The following ARHGEF16 variants were observed in gnomAD, a reference collection of about 807,000 sequenced individuals.
The protein encoded by ARHGEF16 is Rho guanine exchange factor (GEF) 16.
ARHGEF16 carries 59 observed loss-of-function variants against 74.1 expected under a neutral mutation model. The observed-to-expected ratio is 0.80, with a 90% CI of 0.65 to 0.99. The LOEUF (loss-of-function observed/expected upper bound fraction) is 0.99, where lower values mean the gene tolerates loss of function less well. Ranked by LOEUF, ARHGEF16 falls within the 50% of genes least tolerant of loss-of-function variation. ARHGEF16 has a pLI of 0.00. For missense variants in ARHGEF16, 948 were observed against 986.6 expected (o/e 0.96, Z 0.52); for synonymous variants, 415 against 412.6 (o/e 1.01, Z -0.07).
rs746477381 is a variant in ARHGEF16, at chr1:3,478,478, G to A, written c.1680G>A (p.Glu560=). The A allele has an allele frequency of 6.2e-7, 1 of 1,612,508 alleles. No homozygotes were observed. The highest frequency in any genetic ancestry group is 1.7e-5 in the Admixed American group (1 of 60,018). Reference sequence around the variant, plus strand: ...CCCAGATGAACCACATCCAGGTGGAGAAGATAGAGCCGTCTGAGCTCCCTC... The same window carrying A: ...CCCAGATGAACCACATCCAGGTGGAAAAGATAGAGCCGTCTGAGCTCCCTC... The part of the protein sequence containing the change: ...DYAQMNHIQV[E]KIEPSELPLP... Residue 560 remains glutamate, a synonymous_variant, in exon 12 of 15, where the codon GAG becomes GAA. Coordinates refer to ENST00000378378, the MANE Select transcript of ARHGEF16 (RefSeq NM_014448.4).
At chr1:3,466,894 A>C (rs1639561800) in intron 3 of ARHGEF16, 2 of 371,880 alleles carry the variant, frequency 5.4e-6, no homozygotes, top group Non-Finnish European at 9.7e-6. Context: ...AGGAGGCAGC[A>C]GCGATGCCCC....
Position 3,473,168 on chromosome 1 carries a change from C to T in ARHGEF16, c.1113C>T (p.Phe371=), listed in dbSNP as rs757043142. The part of the protein sequence containing the change: ...DILEEHAEKH[F]HPYIAYCSNE... ...TGGAGGAGCACGCTGAGAAGCACTTCCACCCCTACATCGCCTACTGCTCCA... is the reference window on the plus strand; with the variant it reads ...TGGAGGAGCACGCTGAGAAGCACTTTCACCCCTACATCGCCTACTGCTCCA... Residue 371 remains phenylalanine (F), a synonymous_variant, in exon 7 of 15, where the codon TTC becomes TTT. Coordinates refer to ENST00000378378, the MANE Select transcript of ARHGEF16 (RefSeq NM_014448.4). The T allele has an allele frequency of 4.0e-5, 64 of 1,613,132 alleles. No individual in the cohort carries two copies. The highest frequency in any genetic ancestry group is 5.0e-5 in the Non-Finnish European group (59 of 1,179,844).
At position 3,477,889 on chromosome 1, in the gene ARHGEF16, C is replaced by G. The variant is rs762554808; in HGVS notation, c.1488C>G (p.Ile496Met). 3 of 1,603,120 alleles carry G rather than the reference C, an allele frequency of 1.9e-6. No individual in the cohort carries two copies. The highest frequency in any genetic ancestry group is 1.1e-5 in the South Asian group (1 of 90,632). The change falls in exon 11 of 15, where the codon ATC (isoleucine) becomes ATG (methionine). Residue 496 changes from isoleucine (I) to methionine (M), a missense_variant. Coordinates refer to ENST00000378378, the MANE Select transcript of ARHGEF16 (RefSeq NM_014448.4). Reference sequence around the variant, plus strand: ...TGTCCCCCCAGTCCCTCCCACTGATCTCTGCCTCCCGGTGGCTGCTGAAGC... The same window carrying G: ...TGTCCCCCCAGTCCCTCCCACTGATGTCTGCCTCCCGGTGGCTGCTGAAGC... ...DFSKVKSLPL[I>M]SASRWLLKRG... is the part of the protein sequence containing the mutation.
At chr1:3,479,247 C>A (rs188104036) in intron 12 of ARHGEF16, among the ~76,000 whole-genome samples, 72 of 152,190 alleles carry the variant, frequency 4.7e-4, no homozygotes, top group Middle Eastern at 3.4e-3. Context: ...ACGGAGGGGG[C>A]AGGGAGCTGG....
In ARHGEF16 at chr1:3,480,719, G is replaced by A; in HGVS notation, c.*132G>A. ...CCCTGGGGCTTCCCAAGAGCCTGTG[G>A]CTGTGGTGCCGGGCTCCAGACACTT... On this transcript the variant is annotated 3_prime_UTR_variant, in exon 15 of 15. Coordinates refer to ENST00000378378, the MANE Select transcript of ARHGEF16 (RefSeq NM_014448.4). The A allele has an allele frequency of 1.6e-6, 2 of 1,265,668 alleles. No homozygotes were observed. The highest frequency in any genetic ancestry group is 2.1e-6 in the Non-Finnish European group (2 of 937,020). The allele number at this position is 1,265,668 out of a possible 1,614,324, so 78.4% of individuals were successfully genotyped here. A position where few individuals can be genotyped will look rare whatever the true frequency, so the allele number is the denominator to read the frequency against.
intron 1 of ARHGEF16, among the ~76,000 whole-genome samples, chr1:3,462,188 ACTGTGGG>A (rs1456669129): frequency 6.6e-6 from 1 of 151,970 alleles, no homozygotes; most frequent in African/African-American, 2.4e-5. Context: ...TGTACGTGGG[ACTGTGGG>A]CTGCCACCCC....
intron 1 of ARHGEF16, among the ~76,000 whole-genome samples, chr1:3,462,083 C>A (rs1226399102): frequency 2.5e-5 from 3 of 117,980 alleles, no homozygotes; most frequent in Admixed American, 8.7e-5. Flanking sequence ...CCAGGAGGGG[C>A]GGGCAGGAGT....
rs952130882 is a variant in ARHGEF16 at position 3,468,720 on chromosome 1, C to A, written c.805-160C>A. The A allele has an allele frequency of 2.2e-5, 16 of 740,296 alleles. No individual in the cohort carries two copies. The African/African-American group carries it at 2.8e-4, about 13-fold the overall frequency. The allele number at this position is 740,296 out of a possible 1,614,324, so 45.9% of individuals were successfully genotyped here. A position where few individuals can be genotyped will look rare whatever the true frequency, so the allele number is the denominator to read the frequency against. ...CAGAGAGGAAGGTGACGGGGATAGG[C>A]CCTCGGCAGGACAGGCCTACTCCAG... On this transcript the variant is annotated intron_variant, in intron 4 of 14. Transcript: ENST00000378378.
At position 3,471,350 on chromosome 1, in the gene ARHGEF16, G is replaced by A. The variant is rs534190851; in HGVS notation, c.1023-1728G>A. Among the ~76,000 whole-genome samples, 83 of 152,178 alleles carry A rather than the reference G, an allele frequency of 5.5e-4. No homozygotes were observed. The East Asian group carries it at 9.3e-3, about 17-fold the overall frequency. On this transcript the variant is annotated intron_variant, in intron 6 of 14. Transcript: ENST00000378378. ...TGCCCCAACAGTGGTGGTTGCTGGC[G>A]CATTCTTATATCAGCCCCGCCCCTG...
chr1:3,474,101 C>T (rs1639816609), intron 8 of ARHGEF16: 1 of 189,866 alleles, frequency 5.3e-6, no homozygotes, highest in African/African-American at 2.3e-5. Flanking sequence ...CCAGTACACA[C>T]ATGCATGCAC....
intron 6 of ARHGEF16, among the ~76,000 whole-genome samples, chr1:3,470,043 G>A (rs1240790595): frequency 6.6e-6 from 1 of 152,216 alleles, no homozygotes; most frequent in Non-Finnish European, 1.5e-5. Context: ...GGGCCTGGAG[G>A]TAGAGAGGCT....
At chr1:3,473,616 C>G in intron 8 of ARHGEF16, 94 bp downstream of exon 8, 1 of 1,562,488 alleles carries the variant, frequency 6.4e-7, no homozygotes, top group Non-Finnish European at 8.7e-7. Flanking sequence ...TGCTTGTGAC[C>G]TTCTCCTCCA....
intron 6 of ARHGEF16, among the ~76,000 whole-genome samples, chr1:3,471,114 G>GC (rs111916553): frequency 0.015 from 2,249 of 149,842 alleles, 62 homozygotes; most frequent in African/African-American, 0.051. Context: ...GTGTGCCTGG[G>GC]CAGGGGTGTG....
chr1:3,469,937 C>T (rs971688296), intron 6 of ARHGEF16, among the ~76,000 whole-genome samples: 10 of 152,344 alleles, frequency 6.6e-5, no homozygotes, highest in Non-Finnish European at 1.5e-4. Context: ...GTGGTGGCCA[C>T]AAGCTGCTCA....
At chr1:3,472,875 TCCCACC>T in intron 6 of ARHGEF16, 197 bp from the exon 7 acceptor site, 1 of 295,600 alleles carries the variant, frequency 3.4e-6, no homozygotes. Flanking sequence ...TCTGACCACT[TCCCACC>T]CGCCCTCCCT....
Position 3,478,589 on chromosome 1 carries a change from G to A in ARHGEF16, c.1791G>A (p.Gln597=). The A allele has an allele frequency of 6.2e-7, 1 of 1,611,764 alleles. No homozygotes were observed. The highest frequency in any genetic ancestry group is 8.5e-7 in the Non-Finnish European group (1 of 1,179,362). Residue 597 remains glutamine (Q), a synonymous_variant, in exon 12 of 15, where the codon CAG becomes CAA. Coordinates refer to ENST00000378378, the MANE Select transcript of ARHGEF16 (RefSeq NM_014448.4). ...GCAACAGCGAGGGCCGCCAGGAGCAGCTCCTGCTCTCCTCGGACTCCGCGT... is the reference window on the plus strand; with the variant it reads ...GCAACAGCGAGGGCCGCCAGGAGCAACTCCTGCTCTCCTCGGACTCCGCGT... ...LLRNSEGRQE[Q]LLLSSDSASD... is the part of the protein sequence containing the mutation.
At chr1:3,471,690 T>G (rs534960655) in intron 6 of ARHGEF16, 2 of 1,242,292 alleles carry the variant, frequency 1.6e-6, no homozygotes, top group East Asian at 1.6e-4. Flanking sequence ...GGGCTTTAGA[T>G]TGCTGCCCTG....
chr1:3,477,938 G>A lies in ARHGEF16; in HGVS notation c.1537G>A (p.Glu513Lys). The A allele has an allele frequency of 1.2e-6, 2 of 1,612,696 alleles. No individual in the cohort carries two copies. The highest frequency in any genetic ancestry group is 1.7e-6 in the Non-Finnish European group (2 of 1,179,912). ...GCGCGGAGAGCTGTTCTTAGTGGAA[G>A]AAACCGGACTTTTTCGAAAAATTGC... ...LKRGELFLVE[E>K]TGLFRKIASR... is the part of the protein sequence containing the mutation. The change falls in exon 11 of 15, where the codon GAA (glutamate) becomes AAA (lysine). Residue 513 changes from glutamate to lysine, a missense_variant. Transcript: ENST00000378378.
chr1:3,474,905 T>C (rs569408689), intron 9 of ARHGEF16, 123 bp downstream of exon 9: 22 of 810,580 alleles, frequency 2.7e-5, no homozygotes, highest in African/African-American at 7.1e-5. Context: ...GCGAGTGTTC[T>C]CAGATTATCC....
Sources: allele counts gnomAD v4.1 joint callset (sites outside exome capture counted in the v4.1 genomes callset), GRCh38; gene constraint gnomAD v4.1.1; transcripts MANE v1.5; gene names NCBI Gene and HGNC (gene_info 2026-07-23, HGNC 2026-07-21).